SLC35F1: variants seen among roughly 807,000 people sequenced by gnomAD.
SLC35F1 encodes the protein solute carrier family 35 member F1.
Under a neutral mutation model 48.7 loss-of-function variants are expected in SLC35F1, and 14 were observed. That is an observed-to-expected ratio of 0.29 (90% CI 0.19 to 0.45). SLC35F1 has a LOEUF of 0.45. Among genes scored for constraint, SLC35F1 ranks in the 20% least tolerant of loss-of-function variants. The probability of loss-of-function intolerance (pLI) is 1.00; values close to 1 mark genes in which losing one functional copy is unlikely to be tolerated. For missense variants in SLC35F1, 404 were observed against 500.0 expected (o/e 0.81, Z 1.83); for synonymous variants, 190 against 202.2 (o/e 0.94, Z 0.51).
At chr6:117,920,189 G>A (rs1775879452) in intron 1 of SLC35F1, among the ~76,000 whole-genome samples, 2 of 152,200 alleles carry the variant, frequency 1.3e-5, no homozygotes, top group African/African-American at 4.8e-5. Flanking sequence ...TAGCCCCGCA[G>A]ACCCTCGGAA....
At chr6:118,295,439 A>G (rs913004588) in intron 7 of SLC35F1, among the ~76,000 whole-genome samples, 2 of 152,200 alleles carry the variant, frequency 1.3e-5, no homozygotes, top group Non-Finnish European at 2.9e-5. Context: ...ACTATCCTTA[A>G]CATCTGAGTC....
Position 118,162,311 on chromosome 6 carries a change from C to G in SLC35F1, c.349+7691C>G, listed in dbSNP as rs1290597066. Among the ~76,000 whole-genome samples, 6 of 152,280 alleles carry G rather than the reference C, an allele frequency of 3.9e-5. No individual in the cohort carries two copies. In the East Asian group the frequency reaches 1.2e-3, roughly 29 times the overall value. The stretch of plus-strand genomic sequence containing the variant: ...ACATAGTGCATAGTTATACAATGTT[C>G]TGGAAAACACAAAACTATAAGGACA... On this transcript the variant is annotated intron_variant, in intron 2 of 7. Coordinates refer to ENST00000360388, the MANE Select transcript of SLC35F1 (RefSeq NM_001029858.4).
At chr6:117,947,740 G>A (rs1281840358) in intron 1 of SLC35F1, among the ~76,000 whole-genome samples, 2 of 152,134 alleles carry the variant, frequency 1.3e-5, no homozygotes, top group Non-Finnish European at 2.9e-5. Flanking sequence ...AGGACCAGCA[G>A]TTCAGTGTTG....
chr6:118,309,952 G>T (rs890741071), intron 7 of SLC35F1, among the ~76,000 whole-genome samples: 3 of 152,192 alleles, frequency 2.0e-5, no homozygotes, highest in African/African-American at 7.2e-5. Flanking sequence ...TTCATTATGT[G>T]CAGTGAGTGC....
At chr6:118,275,074 G>T (rs1305614631) in intron 4 of SLC35F1, among the ~76,000 whole-genome samples, 1 of 152,186 alleles carries the variant, frequency 6.6e-6, no homozygotes, top group Non-Finnish European at 1.5e-5. Context: ...TACTCTGGAG[G>T]CTGAGGCAGG....
At chr6:118,206,565 AT>A (rs2114542746) in intron 2 of SLC35F1, among the ~76,000 whole-genome samples, 1 of 152,378 alleles carries the variant, frequency 6.6e-6, no homozygotes, top group Admixed American at 6.5e-5. Context: ...AAGCAAAGTT[AT>A]AAAAAATCAT....
At chr6:117,975,897 A>G (rs1484527169) in intron 1 of SLC35F1, among the ~76,000 whole-genome samples, 1 of 152,192 alleles carries the variant, frequency 6.6e-6, no homozygotes, top group Non-Finnish European at 1.5e-5. Flanking sequence ...TCTGCTTTTT[A>G]CATGTGAGCA....
At chr6:118,071,363 T>C (rs888592713) in intron 1 of SLC35F1, among the ~76,000 whole-genome samples, 1 of 151,828 alleles carries the variant, frequency 6.6e-6, no homozygotes, top group African/African-American at 2.4e-5. Flanking sequence ...TCTTGCCCTG[T>C]TTTTTCATGG....
rs186065202 is a variant in SLC35F1 at position 117,918,390 on chromosome 6, C to G, written c.173+10491C>G. On this transcript the variant is annotated intron_variant, in intron 1 of 7. Transcript: ENST00000360388. Reference sequence around the variant, plus strand: ...ACTAGTCTTTGACAGGACTAGGACACTGTCCATAGTACAGAGGAGACACTG... The same window carrying G: ...ACTAGTCTTTGACAGGACTAGGACAGTGTCCATAGTACAGAGGAGACACTG... Among the ~76,000 whole-genome samples the G allele has an allele frequency of 2.1e-3, 321 of 152,206 alleles. 2 individuals are homozygous for G. The highest frequency in any genetic ancestry group is 7.3e-3 in the African/African-American group (305 of 41,518).
intron 7 of SLC35F1, among the ~76,000 whole-genome samples, chr6:118,297,628 A>ATATAT (rs781538313): frequency 3.1e-3 from 139 of 44,642 alleles, no homozygotes; most frequent in Middle Eastern, 0.011. Flanking sequence ...GAACTTATAT[A>ATATAT]TATATATATA....
At position 118,108,291 on chromosome 6, in the gene SLC35F1, G is replaced by C. The variant is rs550154376; in HGVS notation, c.174-46154G>C. On this transcript the variant is annotated intron_variant, in intron 1 of 7. Transcript: ENST00000360388. Reference sequence around the variant, plus strand: ...AATTTTCTTCTATAATTAAGTGTGAGGTGAGCTTTTATCATGGTCAAGTCT... The same window carrying C: ...AATTTTCTTCTATAATTAAGTGTGACGTGAGCTTTTATCATGGTCAAGTCT... Among the ~76,000 whole-genome samples, 11 of 152,246 alleles carry C rather than the reference G, an allele frequency of 7.2e-5. No homozygotes were observed. In the South Asian group the frequency reaches 2.3e-3, roughly 32 times the overall value.
At chr6:118,221,928 A>G (rs1288144020) in intron 2 of SLC35F1, among the ~76,000 whole-genome samples, 1 of 152,014 alleles carries the variant, frequency 6.6e-6, no homozygotes, top group Non-Finnish European at 1.5e-5. Flanking sequence ...TGTCCTGTCA[A>G]TGTTCAAATT....
intron 2 of SLC35F1, among the ~76,000 whole-genome samples, chr6:118,205,394 T>C (rs80322936): frequency 0.045 from 6,823 of 152,356 alleles, 212 homozygotes; most frequent in Middle Eastern, 0.095. Context: ...CTGGCTTTTA[T>C]GCTACTTTCT....
chr6:118,148,472 C>T (rs906908441), intron 1 of SLC35F1, among the ~76,000 whole-genome samples: 2 of 151,730 alleles, frequency 1.3e-5, no homozygotes, highest in East Asian at 1.9e-4. Flanking sequence ...AACGAAGTGC[C>T]GGTGGTAATG....
At chr6:117,972,540 G>C (rs1180087919) in intron 1 of SLC35F1, among the ~76,000 whole-genome samples, 2 of 152,164 alleles carry the variant, frequency 1.3e-5, no homozygotes, top group African/African-American at 4.8e-5. Context: ...AGATTTAATG[G>C]ACTCACAGTT....
intron 2 of SLC35F1, among the ~76,000 whole-genome samples, chr6:118,176,582 GA>G (rs1295754956): frequency 2.0e-5 from 3 of 151,792 alleles, no homozygotes; most frequent in Admixed American, 6.6e-5. Flanking sequence ...AAAATACAAT[GA>G]AAAAAATCAT....
chr6:118,031,018 T>C (rs1384708838), intron 1 of SLC35F1, among the ~76,000 whole-genome samples: 3 of 152,236 alleles, frequency 2.0e-5, no homozygotes, highest in South Asian at 2.1e-4. Flanking sequence ...GGAAAATACA[T>C]AGTTCCTACA....
intron 1 of SLC35F1, among the ~76,000 whole-genome samples, chr6:118,011,303 C>T (rs1582617746): frequency 1.3e-5 from 2 of 152,196 alleles, no homozygotes; most frequent in South Asian, 4.1e-4. Context: ...GTACAGGAAG[C>T]ATGGTTGGAG....
At position 118,103,760 on chromosome 6, in the gene SLC35F1, G is replaced by C. The variant is rs541559979; in HGVS notation, c.174-50685G>C. Among the ~76,000 whole-genome samples the C allele has an allele frequency of 3.2e-4, 48 of 152,288 alleles. 1 individual carries two copies. In the South Asian group the frequency reaches 8.3e-3, roughly 26 times the overall value. On this transcript the variant is annotated intron_variant, in intron 1 of 7. Transcript: ENST00000360388. ...ATTATGACCCAATAGATCTGGGTTT[G>C]CCTCGTTTACTGTTGCAGCTTTTCT...
Sources: allele counts gnomAD v4.1 joint callset (sites outside exome capture counted in the v4.1 genomes callset), GRCh38; gene constraint gnomAD v4.1.1; transcripts MANE v1.5; gene names NCBI Gene and HGNC (gene_info 2026-07-23, HGNC 2026-07-21).